The following CELA3B variants were observed in gnomAD, a reference collection of about 807,000 sequenced individuals.
The protein encoded by CELA3B is chymotrypsin-like elastase family member 3B.
Under a neutral mutation model 37.2 loss-of-function variants are expected in CELA3B, and 34 were observed. The ratio of observed to expected loss-of-function variants is 0.91; its 90% confidence interval spans 0.70 to 1.22. The LOEUF is 1.22. Among genes scored for constraint, CELA3B ranks in the 50% most tolerant of loss-of-function variants. CELA3B has a pLI of 0.00. For synonymous variants in CELA3B, 127 were observed against 143.5 expected, an observed-to-expected ratio of 0.89 and a Z score of 0.82; for missense variants, 340 against 363.1, an observed-to-expected ratio of 0.94 and a Z score of 0.52.
At chr1:21,994,315 A>T (rs2152818070), downstream of CELA3B, among the ~76,000 whole-genome samples, 1 of 150,606 alleles carries the variant, frequency 6.6e-6, no homozygotes, top group African/African-American at 2.5e-5. Flanking sequence ...CACTGCTCCC[A>T]CCAGACATGC....
chr1:21,987,091 G>C, intron 7 of CELA3B: 2 of 367,990 alleles, frequency 5.4e-6, no homozygotes, highest in Non-Finnish European at 1.1e-5. Context: ...ATCTGGGGAT[G>C]GGTGATCAGA....
intron 4 of CELA3B, among the ~76,000 whole-genome samples, chr1:21,995,699 T>G (rs1168606088): frequency 6.7e-6 from 1 of 149,634 alleles, no homozygotes; most frequent in Non-Finnish European, 1.5e-5. Flanking sequence ...GCCATCACTT[T>G]TAATGCCAGG....
chr1:21,994,434 G>A (rs1644881013), intron 4 of CELA3B, among the ~76,000 whole-genome samples: 1 of 150,692 alleles, frequency 6.6e-6, no homozygotes, highest in African/African-American at 2.5e-5. Context: ...TAATCTCTGG[G>A]TTCCCACATC....
At position 21,984,269 on chromosome 1, in the gene CELA3B, TG is replaced by T. The variant is rs1557866067; in HGVS notation, c.584del (p.Gly195ValfsTer4). On this transcript the variant is annotated frameshift_variant, in exon 6 of 8. Transcript: ENST00000337107. LOFTEE classifies it high-confidence loss of function. ...TGAACACTGCTCCAGGTGGAACTGG[TG>T]GGGTTCCTCCGTGAAGAAGACCATG... is the stretch of plus-strand genomic sequence containing the variant. Reference protein sequence around the residue: ...DYEHCSRWNWWGSSVKKTMVC... With the variant: ...DYEHCSRWNWXGSSVKKTMVC... The T allele has an allele frequency of 6.2e-7, 1 of 1,614,134 alleles. No homozygotes were observed.
At chr1:21,983,567 AAAGAG>A in intron 4 of CELA3B, 122 bp from the exon 5 acceptor site, 1 of 1,402,764 alleles carries the variant, frequency 7.1e-7, no homozygotes, top group Non-Finnish European at 9.7e-7. Flanking sequence ...GATGATGATG[AAAGAG>A]TGGATTTGGA....
chr1:21,980,325 C>T (rs2152815647), intron 2 of CELA3B, among the ~76,000 whole-genome samples: 1 of 151,520 alleles, frequency 6.6e-6, no homozygotes, highest in Admixed American at 6.6e-5. Flanking sequence ...ACTAAAAATA[C>T]AAAATTAGCC....
chr1:21,981,469 C>T (rs528218508), intron 4 of CELA3B, among the ~76,000 whole-genome samples: 1 of 151,828 alleles, frequency 6.6e-6, no homozygotes, highest in East Asian at 1.9e-4. Context: ...TGGCATCCTT[C>T]CCCCAAAGCC....
At chr1:21,984,129 C>A in intron 5 of CELA3B, 60 bp from the exon 6 acceptor site, 13 of 1,564,338 alleles carry the variant, frequency 8.3e-6, no homozygotes, top group Non-Finnish European at 1.1e-5. Flanking sequence ...TGCCCCCTTC[C>A]TCTGGGGCTC....
In CELA3B at chr1:21,984,192, A is replaced by G. The variant is rs755313867; in HGVS notation, c.503A>G (p.Asn168Ser). 13 of 1,613,144 alleles carry G rather than the reference A, an allele frequency of 8.1e-6. No individual in the cohort carries two copies. Among genetic ancestry groups the G allele is most frequent in the Non-Finnish European group, 1.0e-5 (12 of 1,179,444 alleles). ...YITGWGRLYT[N>S]GPLPDKLQEA... is the part of the protein sequence containing the mutation. ...TCGGTGCTTTTTATCGCTGCAGCCAACGGGCCACTCCCAGACAAGCTGCAG... is the reference window on the plus strand; with the variant it reads ...TCGGTGCTTTTTATCGCTGCAGCCAGCGGGCCACTCCCAGACAAGCTGCAG... Residue 168 changes from asparagine to serine, a missense_variant, in exon 6 of 8, where the codon AAC (asparagine) becomes AGC (serine). Transcript: ENST00000337107.
At chr1:21,994,118 A>C (rs7519537), downstream of CELA3B, among the ~76,000 whole-genome samples, 46,868 of 143,358 alleles carry the variant, frequency 0.33, 5,115 homozygotes, top group African/African-American at 0.48. Flanking sequence ...CTCTGCTCCC[A>C]TCCCAGAGAA....
At chr1:21,992,788 A>G (rs933474667), downstream of CELA3B, among the ~76,000 whole-genome samples, 8 of 151,022 alleles carry the variant, frequency 5.3e-5, no homozygotes, top group Admixed American at 5.3e-4. Flanking sequence ...GTTTGAGACC[A>G]GCTTGGGCAA....
In CELA3B at chr1:21,997,426, C is replaced by T. The variant is rs893577806; in HGVS notation, c.505-725C>T. Among the ~76,000 whole-genome samples the T allele has an allele frequency of 1.5e-4, 22 of 146,980 alleles. 1 individual carries two copies. Among genetic ancestry groups the T allele is most frequent in the South Asian group, 4.3e-4 (2 of 4,704 alleles). On this transcript the variant is annotated intron_variant, in intron 4 of 4. Coordinates refer to the CELA3B transcript ENST00000400277. ...AAAAAATGCTGGGCGTGGTGGCTCA[C>T]GACTGTAATCCCACACTTTGGGAGG...
chr1:21,983,831 G>A lies in CELA3B; in HGVS notation c.499+1G>A, dbSNP rs868657333. ...ATCACCGGCTGGGGCCGTCTCTATA[G>A]TACGTGCTGACTTCTCTAGCTGGCC... On this transcript the variant is annotated splice_donor_variant, in intron 5 of 7. Transcript: ENST00000337107. LOFTEE classifies it high-confidence loss of function. 1 of 1,613,924 alleles carries A rather than the reference G, an allele frequency of 6.2e-7. No homozygotes were observed. Among genetic ancestry groups the A allele is most frequent in the Non-Finnish European group, 8.5e-7 (1 of 1,179,928 alleles).
At chr1:21,986,449 T>C in intron 6 of CELA3B, 82 bp from the exon 7 acceptor site, 1 of 1,553,678 alleles carries the variant, frequency 6.4e-7, no homozygotes, top group Non-Finnish European at 8.7e-7. Context: ...ATGTCGGAGT[T>C]TCTCGAAATC....
chr1:21,983,342 G>A lies in CELA3B; in HGVS notation c.363-352G>A, dbSNP rs558213848. Among the ~76,000 whole-genome samples, 20 of 141,740 alleles carry A rather than the reference G, an allele frequency of 1.4e-4. No individual in the cohort carries two copies. The Admixed American group carries it at 1.5e-3, about 11-fold the overall frequency. 93.0% of individuals were successfully genotyped at this position (141,740 alleles called of 152,430 possible). A position where few individuals can be genotyped will look rare whatever the true frequency, so the allele number is the denominator to read the frequency against. ...TGCACTCCAGCCTGGGCAACAGAGC[G>A]AGACTCTGACTCAAAAAAAAAAATA... On this transcript the variant is annotated intron_variant, in intron 4 of 7. Transcript: ENST00000337107.
chr1:21,988,620 G>A (rs1227125152), intron 7 of CELA3B, among the ~76,000 whole-genome samples: 1 of 146,520 alleles, frequency 6.8e-6, no homozygotes, highest in Non-Finnish European at 1.5e-5. Flanking sequence ...AGCCGGGCAT[G>A]GTGGCTCATG....
chr1:21,983,313 C>A (rs953496303), intron 4 of CELA3B, among the ~76,000 whole-genome samples: 2 of 151,872 alleles, frequency 1.3e-5, no homozygotes, highest in African/African-American at 4.8e-5. Flanking sequence ...CGAGATCATG[C>A]CACTGCACTC....
At chr1:21,986,464 G>A in intron 6 of CELA3B, 67 bp from the exon 7 acceptor site, 1 of 1,581,014 alleles carries the variant, frequency 6.3e-7, no homozygotes, top group Non-Finnish European at 8.6e-7. Context: ...GAAATCCCTA[G>A]AATTCAGAAC....
chr1:21,987,153 G>GA (rs56302995), intron 7 of CELA3B: 34 of 223,036 alleles, frequency 1.5e-4, no homozygotes, highest in East Asian at 6.0e-4. Flanking sequence ...AAAAAAAAAA[G>GA]AAAAAAAAAA....
Sources: allele counts gnomAD v4.1 joint callset (sites outside exome capture counted in the v4.1 genomes callset), GRCh38; gene constraint gnomAD v4.1.1; transcripts MANE v1.5; gene names NCBI Gene and HGNC (gene_info 2026-07-23, HGNC 2026-07-21).